The following TTC7A variants were observed in gnomAD, a reference collection of about 807,000 sequenced individuals.
The protein encoded by TTC7A is tetratricopeptide repeat domain 7A, also known as tetratricopeptide repeat protein 7A.
Under a neutral mutation model 103.7 loss-of-function variants are expected in TTC7A, and 110 were observed. That is an observed-to-expected ratio of 1.06 (90% CI 0.91 to 1.24). TTC7A has a LOEUF of 1.24. Ranked by LOEUF, TTC7A falls within the 50% of genes most tolerant of loss-of-function variation. TTC7A has a pLI of 0.00. For missense variants in TTC7A, 1,340 were observed against 1,116.3 expected (o/e 1.20, Z -2.86); for synonymous variants, 521 against 467.9 (o/e 1.11, Z -1.47).
rs114692995 is a variant in TTC7A at position 46,984,700 on chromosome 2, T to C, written c.764+5793T>C. Among the ~76,000 whole-genome samples, 1,029 of 152,248 alleles carry C rather than the reference T, an allele frequency of 6.8e-3. 15 individuals carry two copies. Among genetic ancestry groups the C allele is most frequent in the African/African-American group, 0.023 (944 of 41,548 alleles). ...GCTTTGCTTCTGCTGGGGGCCTGGCTGAACCATGTGCTTGGTGTACAGTGC... is the reference window on the plus strand; with the variant it reads ...GCTTTGCTTCTGCTGGGGGCCTGGCCGAACCATGTGCTTGGTGTACAGTGC... On this transcript the variant is annotated intron_variant, in intron 5 of 19. Coordinates refer to ENST00000319190, the MANE Select transcript of TTC7A (RefSeq NM_020458.4).
At chr2:46,931,305 C>T (rs1244546072) in intron 2 of TTC7A, among the ~76,000 whole-genome samples, 1 of 152,224 alleles carries the variant, frequency 6.6e-6, no homozygotes, top group East Asian at 1.9e-4. Flanking sequence ...AGGCTAGTCT[C>T]GAACTCCTGG....
intron 14 of TTC7A, among the ~76,000 whole-genome samples, chr2:47,027,506 C>G (rs1269906025): frequency 6.6e-6 from 1 of 152,264 alleles, no homozygotes; most frequent in Non-Finnish European, 1.5e-5. Context: ...TGTACATTAG[C>G]TCTTTGAACC....
chr2:46,925,663 G>A (rs1381553885), intron 2 of TTC7A, among the ~76,000 whole-genome samples: 2 of 152,108 alleles, frequency 1.3e-5, no homozygotes, highest in South Asian at 4.1e-4. Context: ...CAGTTCCTAA[G>A]CTGACTTCTC....
intron 18 of TTC7A, among the ~76,000 whole-genome samples, chr2:47,058,540 C>G (rs950003870): frequency 3.3e-5 from 5 of 152,356 alleles, no homozygotes; most frequent in Admixed American, 3.3e-4. Context: ...CCACCCCAGA[C>G]ATAATCTGAA....
Position 46,958,352 on chromosome 2 carries a change from G to C in TTC7A, c.517+1345G>C, listed in dbSNP as rs1187595334. The C allele has an allele frequency of 5.6e-6, 3 of 531,764 alleles. No individual in the cohort carries two copies. The African/African-American group carries it at 5.9e-5, about 10-fold the overall frequency. The allele number at this position is 531,764 out of a possible 1,614,324, so 32.9% of individuals were successfully genotyped here. A position where few individuals can be genotyped will look rare whatever the true frequency, so the allele number is the denominator to read the frequency against. On this transcript the variant is annotated intron_variant, in intron 3 of 19. Transcript: ENST00000319190. ...TGGGGGTGATCTGCATTTGGCATTT[G>C]GGTCTTTCGGGTCTCTTAGAAACCC... is the stretch of plus-strand genomic sequence containing the variant.
At position 46,936,099 on chromosome 2, in the gene TTC7A, T is replaced by TA. The variant is rs1227015421; in HGVS notation, c.83-14258dup. On this transcript the variant is annotated intron_variant, in intron 2 of 20. Coordinates refer to the TTC7A transcript ENST00000409245. The stretch of plus-strand genomic sequence containing the variant: ...GAGCAAGACCCTGTCTCTAAAAACA[T>TA]AAAAAATAATAAGAAATAAATATAT... 1.1e-4 allele frequency among the ~76,000 whole-genome samples: 17 copies of TA among 152,192 alleles called. No homozygotes were observed. In the East Asian group the frequency reaches 2.9e-3, roughly 26 times the overall value.
Position 47,024,275 on chromosome 2 carries a change from C to T in TTC7A, c.1569-12C>T, listed in dbSNP as rs773327236. ...CCTGGTGCCTGACTTGTCACTCCCT[C>T]TCCCCACACAGGGCTCAGCAGCTGG... On this transcript the variant is annotated splice_polypyrimidine_tract_variant and intron_variant, in intron 13 of 19. Coordinates refer to ENST00000319190, the MANE Select transcript of TTC7A (RefSeq NM_020458.4). The T allele has an allele frequency of 3.8e-6, 6 of 1,587,970 alleles. No individual in the cohort carries two copies. Among genetic ancestry groups the T allele is most frequent in the Middle Eastern group, 1.7e-4 (1 of 6,006 alleles).
chr2:47,062,701 A>G (rs137995119), intron 19 of TTC7A, among the ~76,000 whole-genome samples: 3 of 152,352 alleles, frequency 2.0e-5, no homozygotes, highest in African/African-American at 7.2e-5. Flanking sequence ...TTTGGAAGTA[A>G]CAGTGTACCA....
chr2:47,060,867 C>T lies in TTC7A; in HGVS notation c.2251C>T (p.Arg751Trp), dbSNP rs531344750. The T allele has an allele frequency of 6.2e-6, 10 of 1,614,150 alleles. No homozygotes were observed. The highest frequency in any genetic ancestry group is 5.3e-5 in the African/African-American group (4 of 75,056). Residue 751 changes from arginine to tryptophan, a missense_variant, in exon 19 of 20, where the codon CGG becomes TGG. By Grantham distance (101) the Arg-to-Trp change is moderately radical. Transcript: ENST00000319190. ...CACTTCTCACTCAGTACTCTATATG[C>T]GGGGCCGGCTGGCTGAGGTGAAGGG... The part of the protein sequence containing the change: ...FPTSHSVLYM[R>W]GRLAEVKGNL...
At chr2:46,957,357 C>T (rs1460343712) in intron 3 of TTC7A, among the ~76,000 whole-genome samples, 3 of 152,202 alleles carry the variant, frequency 2.0e-5, no homozygotes, top group Admixed American at 6.5e-5. Flanking sequence ...GAGTCATCAG[C>T]AGAATTGTGT....
intron 19 of TTC7A, among the ~76,000 whole-genome samples, chr2:47,066,915 C>T (rs1441393206): frequency 6.6e-6 from 1 of 152,134 alleles, no homozygotes. Flanking sequence ...TTATTTGGCT[C>T]ACAGTTCTGG....
chr2:46,958,432 A>C (rs1672078643), intron 3 of TTC7A: 1 of 1,252,172 alleles, frequency 8.0e-7, no homozygotes, highest in Middle Eastern at 2.2e-4. Context: ...CCTTTCCGGG[A>C]CTTTCTCCTG....
chr2:47,037,598 C>T (rs1681251619), intron 15 of TTC7A, among the ~76,000 whole-genome samples: 3 of 152,208 alleles, frequency 2.0e-5, no homozygotes, highest in Admixed American at 6.5e-5. Context: ...ATTGGCAGGA[C>T]CGCCCTGGTA....
chr2:46,998,630 G>A (rs549934923), intron 8 of TTC7A, among the ~76,000 whole-genome samples: 1 of 152,338 alleles, frequency 6.6e-6, no homozygotes, highest in Admixed American at 6.5e-5. Context: ...CCTAATACCT[G>A]CAGAATGCAT....
chr2:46,998,328 G>T (rs1253062147), intron 8 of TTC7A, among the ~76,000 whole-genome samples: 1 of 152,264 alleles, frequency 6.6e-6, no homozygotes, highest in East Asian at 1.9e-4. Context: ...GGCCTCTGTG[G>T]CTGGGAATGG....
At chr2:47,035,564 C>G (rs577525698) in intron 15 of TTC7A, 1 of 152,368 alleles carries the variant, frequency 6.6e-6, no homozygotes, top group African/African-American at 2.4e-5. Context: ...TCATCATTCT[C>G]CAGTTAGTGG....
Position 47,023,410 on chromosome 2 carries a change from A to T in TTC7A, c.1513A>T (p.Thr505Ser). 1.2e-6 allele frequency: 2 copies of T among 1,613,964 alleles called. No homozygotes were observed. Among genetic ancestry groups the T allele is most frequent in the Non-Finnish European group, 1.7e-6 (2 of 1,179,972 alleles). ...AGTTTCTGTCCTGTCCCCTGCAGCCACCCTGAAGTCCAAGCAAGATGAATT... is the reference window on the plus strand; with the variant it reads ...AGTTTCTGTCCTGTCCCCTGCAGCCTCCCTGAAGTCCAAGCAAGATGAATT... The part of the protein sequence containing the change: ...LTYSLQATDA[T>S]LKSKQDELHR... Residue 505 changes from threonine (T) to serine (S), a missense_variant and splice_region_variant, in exon 13 of 20, where the codon ACC (threonine) becomes TCC (serine). Physicochemically the swap from Thr to Ser is moderately conservative, Grantham distance 58. Transcript: ENST00000319190.
intron 5 of TTC7A, 82 bp from the exon 6 acceptor site, chr2:46,993,368 C>G (rs778380078): frequency 7.8e-5 from 104 of 1,335,710 alleles, no homozygotes; most frequent in Non-Finnish European, 1.1e-4. Context: ...TCAGCTCCTC[C>G]TGGGGTCTGC....
At chr2:46,927,505 C>T (rs951971103) in intron 2 of TTC7A, among the ~76,000 whole-genome samples, 4 of 151,764 alleles carry the variant, frequency 2.6e-5, no homozygotes, top group Non-Finnish European at 4.4e-5. Flanking sequence ...TACAGGCATC[C>T]GCCACCACGC....
Sources: gnomAD v4.1 joint callset for allele counts (sites outside exome capture counted in the v4.1 genomes callset) on GRCh38, gnomAD v4.1.1 for gene constraint, MANE v1.5 for transcripts, NCBI Gene and HGNC (gene_info 2026-07-23, HGNC 2026-07-21) for gene names.